Variants in LIMS1 observed in about 807,000 individuals in gnomAD.
The protein encoded by LIMS1 is LIM and senescent cell antigen-like-containing domain protein 1.
A neutral mutation model predicts 44.1 loss-of-function variants in LIMS1; 18 were observed. The observed-to-expected ratio is 0.41, with a 90% CI of 0.28 to 0.61. The LOEUF is 0.61. LIMS1 is among the 20% of genes least tolerant of loss of function. The probability of loss-of-function intolerance (pLI) is 0.32; values close to 1 mark genes in which losing one functional copy is unlikely to be tolerated. For synonymous variants in LIMS1, 93 were observed against 149.1 expected (o/e 0.62, Z 2.74); for missense variants, 201 against 422.0 (o/e 0.48, Z 4.59).
intron 1 of LIMS1, among the ~76,000 whole-genome samples, chr2:108,587,548 A>G (rs1308727666): frequency 6.6e-6 from 1 of 152,124 alleles, no homozygotes; most frequent in African/African-American, 2.4e-5. Context: ...TTATGTTACC[A>G]TCCTAGAAAT....
chr2:108,535,171 C>T (rs1486190682), intron 1 of LIMS1, among the ~76,000 whole-genome samples: 1 of 152,244 alleles, frequency 6.6e-6, no homozygotes, highest in African/African-American at 2.4e-5. Context: ...GTAGAGACAA[C>T]TACGTTCTCC....
intron 1 of LIMS1, 58 bp downstream of exon 1, chr2:108,534,652 TCGGGC>T (rs947162437): frequency 1.4e-4 from 143 of 997,174 alleles, no homozygotes; most frequent in African/African-American, 5.3e-4. Context: ...CGGCGGGCCT[TCGGGC>T]CGGGCCGGGC....
chr2:108,680,463 G>C (rs1402724849), intron 8 of LIMS1, among the ~76,000 whole-genome samples: 1 of 150,988 alleles, frequency 6.6e-6, no homozygotes, highest in African/African-American at 2.4e-5. Flanking sequence ...CTTGAGCCTG[G>C]GAGGTTGGGG....
intron 2 of LIMS1, among the ~76,000 whole-genome samples, chr2:108,663,954 A>C (rs2148979692): frequency 6.6e-6 from 1 of 151,902 alleles, no homozygotes; most frequent in African/African-American, 2.4e-5. Flanking sequence ...GGGTTTCTCC[A>C]TGTTGGTCAG....
chr2:108,571,882 T>C (rs893912403), intron 1 of LIMS1, among the ~76,000 whole-genome samples: 1 of 152,198 alleles, frequency 6.6e-6, no homozygotes, highest in Non-Finnish European at 1.5e-5. Flanking sequence ...ATGTGTCTCA[T>C]TGAGCCCCAG....
chr2:108,640,396 T>C (rs530066978), intron 1 of LIMS1, among the ~76,000 whole-genome samples: 2 of 152,338 alleles, frequency 1.3e-5, no homozygotes, highest in African/African-American at 4.8e-5. Flanking sequence ...CTGGTTAGGA[T>C]TGAGTAACTG....
At chr2:108,635,247 A>G (rs900259532) in intron 1 of LIMS1, among the ~76,000 whole-genome samples, 2 of 151,944 alleles carry the variant, frequency 1.3e-5, no homozygotes, top group Admixed American at 6.6e-5. Context: ...CCTAGCCAAC[A>G]TGGTGAAACC....
intron 1 of LIMS1, among the ~76,000 whole-genome samples, chr2:108,607,792 G>C (rs1687356393): frequency 6.6e-6 from 1 of 152,082 alleles, no homozygotes; most frequent in South Asian, 2.1e-4. Context: ...TTTTAATATT[G>C]GTTATGTATC....
At chr2:108,586,049 G>A (rs1373183503) in intron 1 of LIMS1, among the ~76,000 whole-genome samples, 2 of 152,026 alleles carry the variant, frequency 1.3e-5, no homozygotes, top group Admixed American at 6.5e-5. Context: ...AAAATTAGCC[G>A]GGTGTTGTGG....
At chr2:108,602,490 T>A (rs1687067200) in intron 1 of LIMS1, among the ~76,000 whole-genome samples, 1 of 152,236 alleles carries the variant, frequency 6.6e-6, no homozygotes, top group African/African-American at 2.4e-5. Flanking sequence ...GAGGGTTTTT[T>A]AAAATCATGA....
intron 1 of LIMS1, among the ~76,000 whole-genome samples, chr2:108,612,592 T>C (rs1024807406): frequency 6.6e-6 from 1 of 152,064 alleles, no homozygotes; most frequent in Non-Finnish European, 1.5e-5. Flanking sequence ...TTCAGTTACA[T>C]AGAAGGTCAC....
At chr2:108,556,975 C>T (rs1684943842) in intron 1 of LIMS1, among the ~76,000 whole-genome samples, 2 of 152,164 alleles carry the variant, frequency 1.3e-5, no homozygotes, top group African/African-American at 4.8e-5. Flanking sequence ...CCCCTGACCC[C>T]TTCTTTAAAA....
chr2:108,600,516 T>A (rs954133829), intron 1 of LIMS1, among the ~76,000 whole-genome samples: 1 of 152,238 alleles, frequency 6.6e-6, no homozygotes, highest in African/African-American at 2.4e-5. Context: ...TAGATTTAAG[T>A]CTTTAATTCA....
chr2:108,601,418 G>A (rs1422361552), intron 1 of LIMS1, among the ~76,000 whole-genome samples: 1 of 152,130 alleles, frequency 6.6e-6, no homozygotes, highest in East Asian at 1.9e-4. Flanking sequence ...AAGTTGTTTG[G>A]CATGAGACCC....
At chr2:108,594,890 T>C (rs537830151) in intron 1 of LIMS1, among the ~76,000 whole-genome samples, 54 of 151,510 alleles carry the variant, frequency 3.6e-4, no homozygotes, top group African/African-American at 1.3e-3. Context: ...AGCATAGCTC[T>C]AAAAAAAAGG....
At chr2:108,584,911 G>A (rs1030845563) in intron 1 of LIMS1, among the ~76,000 whole-genome samples, 8 of 152,042 alleles carry the variant, frequency 5.3e-5, no homozygotes, top group Non-Finnish European at 8.8e-5. Flanking sequence ...CAGCACTTCG[G>A]GAGGCCAAGA....
intron 2 of LIMS1, among the ~76,000 whole-genome samples, chr2:108,668,735 A>T (rs1313772748): frequency 6.6e-6 from 1 of 152,206 alleles, no homozygotes; most frequent in Non-Finnish European, 1.5e-5. Context: ...CCCAGTAGTG[A>T]GATTGCTGGA....
At chr2:108,644,714 C>A in intron 1 of LIMS1, among the ~76,000 whole-genome samples, 1 of 151,956 alleles carries the variant, frequency 6.6e-6, no homozygotes. Context: ...GCTAAAGGAA[C>A]ATGTGCTAAC....
At chr2:108,683,106 A>G (rs758399913) in intron 9 of LIMS1, among the ~76,000 whole-genome samples, 1 of 152,196 alleles carries the variant, frequency 6.6e-6, no homozygotes, top group East Asian at 1.9e-4. Context: ...TTACAATGCA[A>G]CCACAGGTGA....
Sources: allele counts gnomAD v4.1 joint callset (sites outside exome capture counted in the v4.1 genomes callset), GRCh38; gene constraint gnomAD v4.1.1; transcripts MANE v1.5; gene names NCBI Gene and HGNC (gene_info 2026-07-23, HGNC 2026-07-21).